Variants in ZNF257 observed in about 807,000 individuals in gnomAD.
ZNF257 encodes the protein zinc finger protein 257.
Under a neutral mutation model 11.9 loss-of-function variants are expected in ZNF257, and 12 were observed. The observed-to-expected ratio is 1.01, with a 90% CI of 0.65 to 1.63. The LOEUF is 1.63. ZNF257 is among the 40% of genes most tolerant of loss of function. The pLI is 0.00. For missense variants in ZNF257, 580 were observed against 665.5 expected (o/e 0.87, Z 1.41); for synonymous variants, 183 against 222.7 (o/e 0.82, Z 1.59).
chr19:22,060,332 A>G (rs1480489646), intron 1 of ZNF257, among the ~76,000 whole-genome samples: 2 of 152,130 alleles, frequency 1.3e-5, no homozygotes, highest in East Asian at 3.9e-4. Flanking sequence ...TAACTTTCGT[A>G]TAATATCCAT....
In ZNF257 at chr19:22,076,548, A is replaced by G. The variant is rs887741630; in HGVS notation, c.226+2984A>G. On this transcript the variant is annotated intron_variant, in intron 3 of 3. Coordinates refer to ENST00000594947, the MANE Select transcript of ZNF257 (RefSeq NM_033468.4). Reference sequence around the variant, plus strand: ...TGATTCGAAATACCTGCCTTCCATGAGTACACAGTTACAGTCAAATACTGT... The same window carrying G: ...TGATTCGAAATACCTGCCTTCCATGGGTACACAGTTACAGTCAAATACTGT... Among the ~76,000 whole-genome samples the G allele has an allele frequency of 9.2e-5, 14 of 152,266 alleles. No individual in the cohort carries two copies. In the East Asian group the frequency reaches 1.7e-3, roughly 19 times the overall value.
chr19:22,063,444 T>C (rs1056637711), intron 1 of ZNF257, among the ~76,000 whole-genome samples: 2 of 152,222 alleles, frequency 1.3e-5, no homozygotes, highest in African/African-American at 4.8e-5. Context: ...TTTTGTGATA[T>C]TAGGTCACTA....
intron 3 of ZNF257, 77 bp from the exon 4 acceptor site, chr19:22,087,900 T>A: frequency 6.7e-6 from 9 of 1,334,438 alleles, no homozygotes; most frequent in Non-Finnish European, 8.9e-6. Context: ...GTATATACAG[T>A]TTTATAGGTT....
chr19:22,068,156 C>CTTTTT (rs758701719), intron 1 of ZNF257, among the ~76,000 whole-genome samples: 1 of 121,244 alleles, frequency 8.2e-6, no homozygotes, highest in Non-Finnish European at 1.7e-5. Context: ...CTCTGTCCCT[C>CTTTTT]TTTTTTTTTT....
At chr19:22,054,661 G>A (rs2021577710) in intron 1 of ZNF257, among the ~76,000 whole-genome samples, 1 of 152,110 alleles carries the variant, frequency 6.6e-6, no homozygotes, top group Non-Finnish European at 1.5e-5. Context: ...TGGGAAGAAA[G>A]CAAAGTATAA....
At chr19:22,072,693 T>G in intron 1 of ZNF257, 116 bp from the exon 2 acceptor site, 2 of 1,285,708 alleles carry the variant, frequency 1.6e-6, no homozygotes, top group East Asian at 4.8e-5. Context: ...TTTTGGTCAC[T>G]CCAATAAGGC....
chr19:22,056,119 A>G (rs1302077215), intron 1 of ZNF257, among the ~76,000 whole-genome samples: 1 of 152,028 alleles, frequency 6.6e-6, no homozygotes, highest in East Asian at 1.9e-4. Context: ...TTTAAGTATA[A>G]GTTGCATTTT....
chr19:22,060,344 C>G (rs1268765536), intron 1 of ZNF257, among the ~76,000 whole-genome samples: 1 of 152,212 alleles, frequency 6.6e-6, no homozygotes, highest in South Asian at 2.1e-4. Context: ...AATATCCATT[C>G]AGATTTGTGT....
chr19:22,052,588 G>C lies in ZNF257; in HGVS notation c.-45G>C. 1 of 1,601,562 alleles carries C rather than the reference G, an allele frequency of 6.2e-7. No individual in the cohort carries two copies. The highest frequency in any genetic ancestry group is 1.3e-5 in the African/African-American group (1 of 74,706). On this transcript the variant is annotated 5_prime_UTR_variant, in exon 1 of 4. Coordinates refer to ENST00000594947, the MANE Select transcript of ZNF257 (RefSeq NM_033468.4). ...TGTGGCCCTGTGACCTGCAGGTATT[G>C]GGAGATCCCCAGCTAAGACGCCAGG...
At chr19:22,087,890 G>C in intron 3 of ZNF257, 87 bp from the exon 4 acceptor site, 3 of 1,210,048 alleles carry the variant, frequency 2.5e-6, no homozygotes, top group Non-Finnish European at 3.3e-6. Flanking sequence ...TCCTTATGTA[G>C]TATATACAGT....
chr19:22,061,933 TA>T (rs2021805430), intron 1 of ZNF257, among the ~76,000 whole-genome samples: 1 of 152,162 alleles, frequency 6.6e-6, no homozygotes, highest in African/African-American at 2.4e-5. Context: ...GTTTATGTAA[TA>T]AATCACATTG....
At chr19:22,065,644 T>C (rs984608691) in intron 1 of ZNF257, among the ~76,000 whole-genome samples, 37 of 148,040 alleles carry the variant, frequency 2.5e-4, no homozygotes, top group African/African-American at 9.3e-4. Flanking sequence ...ATTTATCTAA[T>C]AGGGATAACT....
At position 22,064,720 on chromosome 19, in the gene ZNF257, T is replaced by C. The variant is rs189154919; in HGVS notation, c.4-8089T>C. ...TATTACTTCAGAACAATTAGCATAG[T>C]TATGTGTAGTGTTTGTAGGCAACCT... On this transcript the variant is annotated intron_variant, in intron 1 of 3. Coordinates refer to ENST00000594947, the MANE Select transcript of ZNF257 (RefSeq NM_033468.4). Among the ~76,000 whole-genome samples the C allele has an allele frequency of 2.0e-5, 3 of 152,282 alleles. No individual in the cohort carries two copies. The East Asian group carries it at 5.8e-4, about 29-fold the overall frequency.
intron 3 of ZNF257, among the ~76,000 whole-genome samples, chr19:22,085,258 T>C (rs1190415095): frequency 1.4e-5 from 2 of 146,326 alleles, no homozygotes; most frequent in African/African-American, 5.1e-5. Context: ...CCTGGCTAAT[T>C]TTGTATTTTC....
chr19:22,052,513 A>G lies in ZNF257; in HGVS notation c.-120A>G, dbSNP rs1238533432. The G allele has an allele frequency of 5.0e-6, 6 of 1,197,556 alleles. No individual in the cohort carries two copies. The highest frequency in any genetic ancestry group is 4.9e-5 in the South Asian group (4 of 82,442). 74.2% of individuals were successfully genotyped at this position (1,197,556 alleles called of 1,614,324 possible). On this transcript the variant is annotated 5_prime_UTR_variant, in exon 1 of 4. Coordinates refer to ENST00000594947, the MANE Select transcript of ZNF257 (RefSeq NM_033468.4). ...TGTCTCTCGCTCTAGCCCGAGCTGC[A>G]GGTCTCGTCTTCCCTGGTCTGTGTC...
intron 1 of ZNF257, among the ~76,000 whole-genome samples, chr19:22,070,194 A>G (rs2022066926): frequency 1.3e-5 from 2 of 152,210 alleles, no homozygotes; most frequent in Non-Finnish European, 2.9e-5. Context: ...CCATTTAGCA[A>G]CTTGTTTTCT....
rs145017808 is a variant in ZNF257 at position 22,083,298 on chromosome 19, C to T, written c.227-4679C>T. Among the ~76,000 whole-genome samples, 374 of 151,944 alleles carry T rather than the reference C, an allele frequency of 2.5e-3. 4 individuals carry two copies. Among genetic ancestry groups the T allele is most frequent in the African/African-American group, 8.1e-3 (337 of 41,436 alleles). On this transcript the variant is annotated intron_variant, in intron 3 of 3. Transcript: ENST00000594947. ...CAGCCTGGCCAAAGTGGTGAAACCC[C>T]GTCTCTACTGAAAATACAAAAAAAT...
chr19:22,065,895 G>C (rs1397593918), intron 1 of ZNF257: 1 of 152,212 alleles, frequency 6.6e-6, no homozygotes, highest in Non-Finnish European at 1.5e-5. Flanking sequence ...TAGGAGATGA[G>C]AGAGCAACAG....
Position 22,088,518 on chromosome 19 carries a change from C to G in ZNF257, c.768C>G (p.Pro256=). The change falls in exon 4 of 4, where the codon CCC becomes CCG. Residue 256 remains proline (P), a synonymous_variant. Coordinates refer to ENST00000594947, the MANE Select transcript of ZNF257 (RefSeq NM_033468.4). ...AGGTAATTCATACTAGAGAGAAACC[C>G]TACAAATGTGAAGAGTGTGGCAAAG... The part of the protein sequence containing the change: ...QHKVIHTREK[P]YKCEECGKAF... 1 of 1,613,498 alleles carries G rather than the reference C, an allele frequency of 6.2e-7. No individual in the cohort carries two copies. The highest frequency in any genetic ancestry group is 8.5e-7 in the Non-Finnish European group (1 of 1,179,836).
Sources: allele counts gnomAD v4.1 joint callset (sites outside exome capture counted in the v4.1 genomes callset), GRCh38; gene constraint gnomAD v4.1.1; transcripts MANE v1.5; gene names NCBI Gene and HGNC (gene_info 2026-07-23, HGNC 2026-07-21).